PROX1: variants seen among roughly 807,000 people sequenced by gnomAD.
The protein encoded by PROX1 is prospero homeobox 1.
PROX1 carries 7 observed loss-of-function variants against 58.8 expected under a neutral mutation model. The ratio of observed to expected loss-of-function variants is 0.12; its 90% CI spans 0.07 to 0.22. The LOEUF (loss-of-function observed/expected upper bound fraction) is 0.22, where lower values mean the gene tolerates loss of function less well. Ranked by LOEUF, PROX1 falls within the 10% of genes least tolerant of loss-of-function variation. The pLI is 1.00. For missense variants in PROX1, 675 were observed against 927.8 expected, an observed-to-expected ratio of 0.73 and a Z score of 3.54; for synonymous variants, 350 against 358.3, an observed-to-expected ratio of 0.98 and a Z score of 0.26.
At chr1:214,025,807 G>A (rs1225158989) in intron 4 of PROX1, among the ~76,000 whole-genome samples, 7 of 152,046 alleles carry the variant, frequency 4.6e-5, no homozygotes, top group East Asian at 1.9e-4. Context: ...GATTGCGGGC[G>A]CCAGCCACCA....
At chr1:213,994,799 A>ATATATATATATC (rs1558167642) in intron 1 of PROX1, among the ~76,000 whole-genome samples, 3 of 119,602 alleles carry the variant, frequency 2.5e-5, no homozygotes, top group African/African-American at 1.0e-4. Context: ...ATATATATAT[A>ATATATATATATC]TATAAAGAGG....
In PROX1 at chr1:214,036,617, T is replaced by C. The variant is rs920944474; in HGVS notation, c.*783T>C. 6.6e-6 allele frequency: 1 copy of C among 152,212 alleles called. No individual in the cohort carries two copies. The highest frequency in any genetic ancestry group is 6.5e-5 in the Admixed American group (1 of 15,280). The allele number at this position is 152,212 out of a possible 1,614,324, so 9.4% of individuals were successfully genotyped here. On this transcript the variant is annotated 3_prime_UTR_variant, in exon 5 of 5. Transcript: ENST00000366958. ...TTCTTCATAAGTGAGCTTACATCAT[T>C]CTTCATAAAGAAAAATCCTATAACT...
At chr1:214,025,380 T>G (rs1168441465) in intron 4 of PROX1, among the ~76,000 whole-genome samples, 1 of 152,232 alleles carries the variant, frequency 6.6e-6, no homozygotes, top group African/African-American at 2.4e-5. Context: ...GCCCTCAAGT[T>G]TGGCTAAAAG....
At chr1:214,026,039 A>C (rs1042999589) in intron 4 of PROX1, among the ~76,000 whole-genome samples, 1 of 152,232 alleles carries the variant, frequency 6.6e-6, no homozygotes, top group Admixed American at 6.5e-5. Context: ...ATTTCTGCAC[A>C]GTGCTTCCAG....
At chr1:213,992,534 C>T (rs1476702944) in intron 1 of PROX1, among the ~76,000 whole-genome samples, 1 of 151,964 alleles carries the variant, frequency 6.6e-6, no homozygotes, top group Non-Finnish European at 1.5e-5. Flanking sequence ...TAATGATATC[C>T]TATTTGAAAT....
intron 2 of PROX1, among the ~76,000 whole-genome samples, chr1:213,999,560 G>A (rs561982988): frequency 3.4e-4 from 51 of 150,512 alleles, no homozygotes; most frequent in African/African-American, 1.2e-3. Context: ...TTTCTGATAG[G>A]GTGAACTACT....
At chr1:214,010,502 G>T (rs1663870772) in intron 3 of PROX1, among the ~76,000 whole-genome samples, 2 of 152,034 alleles carry the variant, frequency 1.3e-5, no homozygotes, top group South Asian at 4.1e-4. Flanking sequence ...TCTTTTTCTG[G>T]GGGCCCAGGG....
chr1:214,029,774 G>A (rs962138703), intron 4 of PROX1: 6 of 152,122 alleles, frequency 3.9e-5, no homozygotes, highest in African/African-American at 1.4e-4. Context: ...GGGCTAGATC[G>A]AGGGGTTTTG....
chr1:213,997,937 C>T lies in PROX1; in HGVS notation c.1402C>T (p.Pro468Ser). Residue 468 changes from proline (P) to serine (S), a missense_variant, in exon 2 of 5, where the codon CCT (proline) becomes TCT (serine). Physicochemically the swap from Pro to Ser is moderately conservative, Grantham distance 74. Coordinates refer to ENST00000366958, the MANE Select transcript of PROX1 (RefSeq NM_001270616.2). The surrounding 1 kb of genome is among the most constrained non-coding windows in gnomAD (Gnocchi z 7.1). ...GGHHQPLHQS[P>S]LSATTGFTTS... Reference sequence around the variant, plus strand: ...CCACCACCAGCCCCTGCACCAGTCGCCTCTCTCTGCCACCACGGGCTTCAC... The same window carrying T: ...CCACCACCAGCCCCTGCACCAGTCGTCTCTCTCTGCCACCACGGGCTTCAC... 6.2e-7 allele frequency: 1 copy of T among 1,613,892 alleles called. No homozygotes were observed. The highest frequency in any genetic ancestry group is 8.5e-7 in the Non-Finnish European group (1 of 1,179,876).
intron 4 of PROX1, among the ~76,000 whole-genome samples, chr1:214,022,258 A>G (rs1267170338): frequency 6.6e-6 from 1 of 152,194 alleles, no homozygotes; most frequent in Non-Finnish European, 1.5e-5. Flanking sequence ...TATCTGTAAA[A>G]TAGGGGATGT....
chr1:214,038,661 A>G lies in PROX1; in HGVS notation c.*2827A>G, dbSNP rs1368191649. 6.6e-6 allele frequency: 1 copy of G among 152,186 alleles called. No homozygotes were observed. The highest frequency in any genetic ancestry group is 2.4e-5 in the African/African-American group (1 of 41,428). 9.4% of individuals were successfully genotyped at this position (152,186 alleles called of 1,614,324 possible). A position where few individuals can be genotyped will look rare whatever the true frequency, so the allele number is the denominator to read the frequency against. On this transcript the variant is annotated 3_prime_UTR_variant, in exon 5 of 5. Transcript: ENST00000366958. The stretch of plus-strand genomic sequence containing the variant: ...GCACCAGCGGGGGGGATTTTAAAAA[A>G]TCCTTCAAAATACCAGTTTTTTCCC...
chr1:214,025,390 G>A (rs1268090771), intron 4 of PROX1, among the ~76,000 whole-genome samples: 1 of 152,244 alleles, frequency 6.6e-6, no homozygotes, highest in Non-Finnish European at 1.5e-5. Flanking sequence ...TTGGCTAAAA[G>A]CAGGGGCTGG....
chr1:214,004,584 G>A (rs947125824), intron 2 of PROX1, among the ~76,000 whole-genome samples: 2 of 152,066 alleles, frequency 1.3e-5, no homozygotes, highest in Non-Finnish European at 2.9e-5. Flanking sequence ...TATTTAAAAG[G>A]AAAAACAATT....
At chr1:214,024,648 A>G (rs1172200602) in intron 4 of PROX1, among the ~76,000 whole-genome samples, 1 of 152,214 alleles carries the variant, frequency 6.6e-6, no homozygotes, top group Non-Finnish European at 1.5e-5. Flanking sequence ...CAATAGCAAT[A>G]CAGGGCACAC....
At position 214,021,153 on chromosome 1, in the gene PROX1, C is replaced by T. The variant is rs142613066; in HGVS notation, c.2028+9438C>T. ...ATTTTTCAAAAGGCTCGAGATATAT[C>T]CAAAATATTCCTAACCTCCCAGTTG... On this transcript the variant is annotated intron_variant, in intron 4 of 4. Coordinates refer to ENST00000366958, the MANE Select transcript of PROX1 (RefSeq NM_001270616.2). Among the ~76,000 whole-genome samples, 1,150 of 152,302 alleles carry T rather than the reference C, an allele frequency of 7.6e-3. 11 individuals carry two copies. The highest frequency in any genetic ancestry group is 0.012 in the Non-Finnish European group (836 of 68,028).
chr1:214,033,562 C>T (rs1664734277), intron 4 of PROX1, among the ~76,000 whole-genome samples: 1 of 152,210 alleles, frequency 6.6e-6, no homozygotes, highest in Non-Finnish European at 1.5e-5. Context: ...CATGCCACTG[C>T]ACTCCAGCCT....
At chr1:214,033,823 T>C (rs1313179148) in intron 4 of PROX1, among the ~76,000 whole-genome samples, 1 of 152,022 alleles carries the variant, frequency 6.6e-6, no homozygotes, top group African/African-American at 2.4e-5. Context: ...ATAATGTGAG[T>C]GGGAGGGCTA....
intron 1 of PROX1, among the ~76,000 whole-genome samples, chr1:213,990,122 C>T (rs1322103752): frequency 8.2e-6 from 1 of 122,212 alleles, no homozygotes; most frequent in African/African-American, 3.1e-5. Context: ...CCACTCATGC[C>T]CTCCCTTATT....
At chr1:214,000,618 A>G (rs556983747) in intron 2 of PROX1, among the ~76,000 whole-genome samples, 1 of 152,144 alleles carries the variant, frequency 6.6e-6, no homozygotes, top group Non-Finnish European at 1.5e-5. Context: ...CTATGCTCCT[A>G]TTCTTTTCCC....
Sources: gnomAD v4.1 joint callset for allele counts (sites outside exome capture counted in the v4.1 genomes callset) on GRCh38, gnomAD v4.1.1 for gene constraint, Gnocchi (gnomAD v3.1) non-coding constraint, MANE v1.5 for transcripts, NCBI Gene and HGNC (gene_info 2026-07-23, HGNC 2026-07-21) for gene names.